Variants in VPS50 observed in about 807,000 individuals in gnomAD.
VPS50 encodes syndetin.
VPS50 carries 70 observed loss-of-function variants against 139.7 expected under a neutral mutation model. The observed-to-expected ratio is 0.50, with a 90% CI of 0.41 to 0.61. The LOEUF (loss-of-function observed/expected upper bound fraction) is 0.61. Among genes scored for constraint, VPS50 ranks in the 20% least tolerant of loss-of-function variants. The pLI, the probability that VPS50 is intolerant of heterozygous loss-of-function variation, is 0.00. For synonymous variants in VPS50, 365 were observed against 376.7 expected (o/e 0.97, Z 0.36); for missense variants, 921 against 1,133.7 (o/e 0.81, Z 2.69).
chr7:93,320,066 T>TTTGA (rs1797556449), intron 20 of VPS50, among the ~76,000 whole-genome samples: 1 of 152,132 alleles, frequency 6.6e-6, no homozygotes, highest in African/African-American at 2.4e-5. Context: ...CCTGGTGATT[T>TTTGA]TTGATTAGCT....
At chr7:93,326,456 A>T (rs571756552) in intron 21 of VPS50, among the ~76,000 whole-genome samples, 27 of 147,202 alleles carry the variant, frequency 1.8e-4, no homozygotes, top group African/African-American at 3.8e-4. Context: ...ATAATAATAA[A>T]AAAAAAATAA....
At chr7:93,349,580 A>G (rs2117083136) in intron 24 of VPS50, among the ~76,000 whole-genome samples, 1 of 152,254 alleles carries the variant, frequency 6.6e-6, no homozygotes, top group Non-Finnish European at 1.5e-5. Flanking sequence ...GGGAGTGGAA[A>G]TGGAGAGAAG....
At position 93,356,001 on chromosome 7, in the gene VPS50, A is replaced by T; in HGVS notation, c.2696A>T (p.Asp899Val). 1 of 1,585,670 alleles carries T rather than the reference A, an allele frequency of 6.3e-7. No homozygotes were observed. The highest frequency in any genetic ancestry group is 1.1e-5 in the South Asian group (1 of 87,856). Residue 899 changes from aspartate (D) to valine (V), a missense_variant, in exon 27 of 28, where the codon GAT (aspartate) becomes GTT (valine). Asp to Val is a radical substitution (Grantham distance 152, BLOSUM62 -3). Around this residue, in one of 3 missense-constraint regions of VPS50, gnomAD observed 158 missense variants for 156.3 expected, o/e 1.01. Coordinates refer to ENST00000305866, the MANE Select transcript of VPS50 (RefSeq NM_017667.4). ...CTAACAGATATTAGACCCATTCCTG[A>T]TAAAGAATTTGTAGAAACTTATATT... ...EKLTDIRPIPDKEFVETYIKA... is the reference protein window; with the variant it reads ...EKLTDIRPIPVKEFVETYIKA...
At position 93,345,114 on chromosome 7, in the gene VPS50, C is replaced by T. The variant is rs10249079; in HGVS notation, c.2207+3539C>T. Among the ~76,000 whole-genome samples the T allele has an allele frequency of 5.5e-3, 836 of 152,172 alleles. 8 individuals carry two copies. The highest frequency in any genetic ancestry group is 0.019 in the African/African-American group (806 of 41,498). On this transcript the variant is annotated intron_variant, in intron 23 of 27. Coordinates refer to ENST00000305866, the MANE Select transcript of VPS50 (RefSeq NM_017667.4). ...AATAAAGAAAAAAAGAGAGAAGAAT[C>T]AAATAGATGCAATAATAAATGATAA... is the stretch of plus-strand genomic sequence containing the variant.
In VPS50 at chr7:93,258,260, G is replaced by A; in HGVS notation, c.524G>A (p.Arg175Lys). ...QLLIGLLKSL[R>K]TIKTLQRTDV... is the part of the protein sequence containing the mutation. The stretch of plus-strand genomic sequence containing the variant: ...CTGATTGGACTTCTGAAATCTCTGA[G>A]AACTATAAAAACATTGGTATATATG... Residue 175 changes from arginine (R) to lysine (K), a missense_variant, in exon 7 of 28, where the codon AGA (arginine) becomes AAA (lysine). Arg to Lys is a conservative substitution (Grantham distance 26). Around this residue, in one of 3 missense-constraint regions of VPS50, gnomAD observed 744 missense variants for 930.6 expected, o/e 0.80. Transcript: ENST00000305866. 1 of 1,588,764 alleles carries A rather than the reference G, an allele frequency of 6.3e-7. No homozygotes were observed.
intron 21 of VPS50, among the ~76,000 whole-genome samples, chr7:93,330,580 C>G (rs1157699160): frequency 1.3e-5 from 2 of 151,756 alleles, no homozygotes; most frequent in Admixed American, 1.3e-4. Context: ...ATGGTGAAAC[C>G]CAGTCCCTAC....
chr7:93,245,702 A>G (rs1299151194), intron 2 of VPS50, among the ~76,000 whole-genome samples: 1 of 151,998 alleles, frequency 6.6e-6, no homozygotes, highest in Non-Finnish European at 1.5e-5. Flanking sequence ...TGTAACTTCA[A>G]CAGTATTCCA....
intron 12 of VPS50, among the ~76,000 whole-genome samples, chr7:93,287,474 G>A (rs1393155799): frequency 6.6e-6 from 1 of 151,416 alleles, no homozygotes; most frequent in Non-Finnish European, 1.5e-5. Flanking sequence ...CAGTGGTTGG[G>A]TGGAAAATAG....
At chr7:93,313,104 C>A (rs1797319828) in intron 20 of VPS50, among the ~76,000 whole-genome samples, 1 of 152,196 alleles carries the variant, frequency 6.6e-6, no homozygotes, top group Non-Finnish European at 1.5e-5. Flanking sequence ...ATAGTACCAA[C>A]CAATCTGGAA....
intron 22 of VPS50, among the ~76,000 whole-genome samples, chr7:93,339,979 A>G (rs775850662): frequency 6.6e-6 from 1 of 152,192 alleles, no homozygotes; most frequent in South Asian, 2.1e-4. Context: ...GTAAAACTCT[A>G]TAGTTAAACT....
At chr7:93,239,095 A>G (rs556739524) in intron 1 of VPS50, among the ~76,000 whole-genome samples, 55 of 152,328 alleles carry the variant, frequency 3.6e-4, no homozygotes, top group Admixed American at 2.7e-3. Context: ...TAGGGCACCT[A>G]AAGGACAATT....
intron 20 of VPS50, among the ~76,000 whole-genome samples, chr7:93,317,330 A>T (rs1797457290): frequency 6.6e-6 from 1 of 152,108 alleles, no homozygotes; most frequent in African/African-American, 2.4e-5. Flanking sequence ...CAGATGGATC[A>T]CTTAAGGTCA....
At chr7:93,258,951 A>G (rs1252470385) in intron 8 of VPS50, among the ~76,000 whole-genome samples, 1 of 152,056 alleles carries the variant, frequency 6.6e-6, no homozygotes, top group Non-Finnish European at 1.5e-5. Flanking sequence ...AATTGAGCAT[A>G]GGGAAAAGTT....
chr7:93,270,740 T>C (rs1352166275), intron 9 of VPS50, among the ~76,000 whole-genome samples: 1 of 152,018 alleles, frequency 6.6e-6, no homozygotes, highest in Middle Eastern at 3.2e-3. Context: ...GGTGGTGTCA[T>C]TTTTAATTTT....
intron 16 of VPS50, among the ~76,000 whole-genome samples, chr7:93,297,591 A>G (rs962339332): frequency 2.6e-5 from 4 of 152,158 alleles, no homozygotes; most frequent in Non-Finnish European, 5.9e-5. Flanking sequence ...TTAAATCAGT[A>G]GAGGCAGTGC....
intron 21 of VPS50, among the ~76,000 whole-genome samples, chr7:93,324,535 A>G (rs1225140191): frequency 3.3e-5 from 5 of 152,182 alleles, no homozygotes; most frequent in African/African-American, 1.2e-4. Flanking sequence ...TTCTGCATCT[A>G]TTGAGATAAT....
At chr7:93,318,867 A>C (rs536355423) in intron 20 of VPS50, among the ~76,000 whole-genome samples, 164 of 152,228 alleles carry the variant, frequency 1.1e-3, no homozygotes, top group African/African-American at 3.6e-3. Flanking sequence ...TAGGAGTTTC[A>C]ATTTAAAATA....
Position 93,360,847 on chromosome 7 carries a change from T to A in VPS50, c.*2411T>A, listed in dbSNP as rs1296673652. The A allele has an allele frequency of 6.6e-6, 1 of 152,060 alleles. No homozygotes were observed. Among genetic ancestry groups the A allele is most frequent in the Non-Finnish European group, 1.5e-5 (1 of 67,988 alleles). The allele number at this position is 152,060 out of a possible 1,614,324, so 9.4% of individuals were successfully genotyped here. A position where few individuals can be genotyped will look rare whatever the true frequency, so the allele number is the denominator to read the frequency against. ...TAGCAATTCAAATGAACTAGTTTGC[T>A]TTGGTTTATAAAACCAACAGAGATT... On this transcript the variant is annotated 3_prime_UTR_variant, in exon 28 of 28. Transcript: ENST00000305866.
chr7:93,261,418 TTG>T lies in VPS50; in HGVS notation c.659+1788_659+1789del, dbSNP rs372059457. Among the ~76,000 whole-genome samples the T allele has an allele frequency of 3.4e-3, 514 of 152,006 alleles. 3 individuals are homozygous for T. The highest frequency in any genetic ancestry group is 0.031 in the Middle Eastern group (9 of 294). ...GTAGGCCGGGCGCGGTGGCTCACGC[TTG>T]TAATCCCAGCACATTGGGAGGCCGA... is the stretch of plus-strand genomic sequence containing the variant. On this transcript the variant is annotated intron_variant, in intron 9 of 27. Coordinates refer to ENST00000305866, the MANE Select transcript of VPS50 (RefSeq NM_017667.4).
Sources: allele counts gnomAD v4.1 joint callset (sites outside exome capture counted in the v4.1 genomes callset), GRCh38; gene constraint gnomAD v4.1.1; regional missense constraint gnomAD v4.1.1; transcripts MANE v1.5; gene names NCBI Gene and HGNC (gene_info 2026-07-23, HGNC 2026-07-21).